TRPC4AP: variants seen among roughly 807,000 people sequenced by gnomAD.
TRPC4AP encodes short transient receptor potential channel 4-associated protein.
A neutral mutation model predicts 99.0 loss-of-function variants in TRPC4AP; 45 were observed. The ratio of observed to expected loss-of-function variants is 0.45; its 90% CI spans 0.36 to 0.58. The LOEUF (loss-of-function observed/expected upper bound fraction) is 0.58, where lower values mean the gene tolerates loss of function less well. TRPC4AP is among the 20% of genes least tolerant of loss of function. The pLI is 0.00. For synonymous variants in TRPC4AP, 408 were observed against 385.8 expected (o/e 1.06, Z -0.67); for missense variants, 879 against 985.3 (o/e 0.89, Z 1.44).
chr20:35,032,096 G>A (rs992694381), intron 8 of TRPC4AP, among the ~76,000 whole-genome samples: 1 of 152,022 alleles, frequency 6.6e-6, no homozygotes, highest in African/African-American at 2.4e-5. Flanking sequence ...CGCCATGTTG[G>A]CCTGGCTGAT....
At position 35,013,114 on chromosome 20, in the gene TRPC4AP, C is replaced by G. The variant is rs567461514; in HGVS notation, c.1351-48G>C. 1.3e-5 allele frequency: 20 copies of G among 1,589,936 alleles called. No individual in the cohort carries two copies. The African/African-American group carries it at 2.4e-4, about 19-fold the overall frequency. On this transcript the variant is annotated intron_variant, in intron 10 of 18. Transcript: ENST00000252015. ...ATGTTAGGACCACAGCCACAAGGTT[C>G]CAAAATAACACAAGCAGACACTCTG...
chr20:35,015,502 A>G (rs1475613241), intron 10 of TRPC4AP, among the ~76,000 whole-genome samples: 1 of 128,852 alleles, frequency 7.8e-6, no homozygotes, highest in African/African-American at 2.9e-5. Context: ...TCACTTTGTT[A>G]CGCAGGCTGG....
chr20:35,041,956 A>G (rs1490651065), intron 7 of TRPC4AP, among the ~76,000 whole-genome samples: 4 of 152,200 alleles, frequency 2.6e-5, no homozygotes, highest in Admixed American at 2.6e-4. Flanking sequence ...CCTTTTGTCA[A>G]TGTATATGGA....
At chr20:35,090,377 C>CTT (rs71196792) in intron 1 of TRPC4AP, among the ~76,000 whole-genome samples, 14 of 88,990 alleles carry the variant, frequency 1.6e-4, no homozygotes, top group Admixed American at 8.4e-4. Context: ...ATCTGGTGAG[C>CTT]TTTTTTTTTT....
intron 6 of TRPC4AP, among the ~76,000 whole-genome samples, chr20:35,047,350 T>C (rs1223462826): frequency 6.6e-6 from 1 of 152,254 alleles, no homozygotes. Flanking sequence ...TTTTTTGAGC[T>C]TTATGAAAAT....
chr20:35,007,468 T>C (rs907078080), intron 14 of TRPC4AP, 82 bp downstream of exon 14: 52 of 1,384,854 alleles, frequency 3.8e-5, no homozygotes, highest in South Asian at 4.8e-5. Flanking sequence ...CCTGATGAAC[T>C]GTTTGGGGCT....
intron 3 of TRPC4AP, among the ~76,000 whole-genome samples, chr20:35,060,601 A>C (rs1219542487): frequency 6.0e-5 from 9 of 150,480 alleles, no homozygotes; most frequent in Non-Finnish European, 1.2e-4. Flanking sequence ...AAAAAAAAAA[A>C]AAAAAAAAAC....
At chr20:35,084,064 C>T (rs2084729318) in intron 1 of TRPC4AP, among the ~76,000 whole-genome samples, 1 of 151,930 alleles carries the variant, frequency 6.6e-6, no homozygotes, top group South Asian at 2.1e-4. Flanking sequence ...CTTTGGGAGG[C>T]CGAGGTGGGT....
intron 1 of TRPC4AP, among the ~76,000 whole-genome samples, chr20:35,082,274 C>A (rs1323815087): frequency 3.3e-5 from 5 of 152,112 alleles, no homozygotes; most frequent in South Asian, 2.1e-4. Context: ...AATGGACACA[C>A]CTCGAGCAGT....
intron 6 of TRPC4AP, 78 bp from the exon 7 acceptor site, chr20:35,044,790 T>G (rs537419536): frequency 1.4e-6 from 2 of 1,402,048 alleles, no homozygotes; most frequent in Admixed American, 1.7e-5. Context: ...TCGCATCCCC[T>G]TACATACGGG....
intron 2 of TRPC4AP, among the ~76,000 whole-genome samples, chr20:35,077,658 G>A (rs539210903): frequency 8.5e-5 from 13 of 152,188 alleles, no homozygotes; most frequent in South Asian, 8.3e-4. Flanking sequence ...ATCTTCTTAC[G>A]TTAGTAATAA....
chr20:35,067,135 G>GAGAAAT (rs2084165593), intron 3 of TRPC4AP, among the ~76,000 whole-genome samples: 1 of 152,198 alleles, frequency 6.6e-6, no homozygotes, highest in African/African-American at 2.4e-5. Context: ...TTGGCAATCA[G>GAGAAAT]AGAAATTCAA....
rs2084244404 is a variant in TRPC4AP at position 35,069,377 on chromosome 20, T to C, written c.333A>G (p.Ala111=). ...ISPLLSMEAM[A]FVTEERKLTQ... is the part of the protein sequence containing the mutation. Reference sequence around the variant, plus strand: ...TAAGTTTCCTCTCTTCAGTAACAAATGCCATAGCCTCCATGGAGAGAAGAG... The same window carrying C: ...TAAGTTTCCTCTCTTCAGTAACAAACGCCATAGCCTCCATGGAGAGAAGAG... Residue 111 remains alanine, a synonymous_variant, in exon 3 of 19, where the codon GCA becomes GCG. Transcript: ENST00000252015. 1 of 1,612,674 alleles carries C rather than the reference T, an allele frequency of 6.2e-7. No homozygotes were observed. Among genetic ancestry groups the C allele is most frequent in the Non-Finnish European group, 8.5e-7 (1 of 1,178,876 alleles).
At position 35,092,383 on chromosome 20, in the gene TRPC4AP, A is replaced by C. The variant is rs975794127; in HGVS notation, c.168+231T>G. ...GGGCCCAGGGTTCGTACACGCCATC[A>C]GTGTCCACAGCAGCCCAGCCCCGCT... On this transcript the variant is annotated intron_variant, in intron 1 of 18. Coordinates refer to ENST00000252015, the MANE Select transcript of TRPC4AP (RefSeq NM_015638.3). Among the ~76,000 whole-genome samples the C allele has an allele frequency of 7.2e-5, 11 of 152,354 alleles. No individual in the cohort carries two copies. The East Asian group carries it at 2.1e-3, about 29-fold the overall frequency.
At chr20:35,064,671 C>A (rs983002034) in intron 3 of TRPC4AP, among the ~76,000 whole-genome samples, 3 of 152,176 alleles carry the variant, frequency 2.0e-5, no homozygotes, top group Non-Finnish European at 2.9e-5. Flanking sequence ...CTTGAGGCAA[C>A]AATGAAAACT....
chr20:35,038,453 C>T (rs1045318752), intron 7 of TRPC4AP, among the ~76,000 whole-genome samples: 1 of 151,948 alleles, frequency 6.6e-6, no homozygotes, highest in Non-Finnish European at 1.5e-5. Flanking sequence ...TACAGTATGC[C>T]TGTATAATAG....
intron 3 of TRPC4AP, among the ~76,000 whole-genome samples, chr20:35,065,521 G>A (rs1188760538): frequency 2.0e-5 from 3 of 152,200 alleles, no homozygotes; most frequent in Non-Finnish European, 4.4e-5. Context: ...TTGGGTTCTT[G>A]CTAGTTATTA....
At chr20:35,080,144 G>A (rs1175490369) in intron 1 of TRPC4AP, among the ~76,000 whole-genome samples, 1 of 151,574 alleles carries the variant, frequency 6.6e-6, no homozygotes, top group Non-Finnish European at 1.5e-5. Flanking sequence ...AAGTAATGAT[G>A]TACTGATACT....
chr20:35,060,990 A>G (rs1480986395), intron 3 of TRPC4AP, among the ~76,000 whole-genome samples: 2 of 152,168 alleles, frequency 1.3e-5, no homozygotes, highest in Non-Finnish European at 2.9e-5. Flanking sequence ...TTCTAAGGCA[A>G]CTAGAGAAAA....
Sources: gnomAD v4.1 joint callset for allele counts (sites outside exome capture counted in the v4.1 genomes callset) on GRCh38, gnomAD v4.1.1 for gene constraint, MANE v1.5 for transcripts, NCBI Gene and HGNC (gene_info 2026-07-23, HGNC 2026-07-21) for gene names.